The following RABGAP1L variants were observed in gnomAD, a reference collection of about 807,000 sequenced individuals.
The protein encoded by RABGAP1L is RAB GTPase activating protein 1 like.
Under a neutral mutation model 137.7 loss-of-function variants are expected in RABGAP1L, and 63 were observed. The ratio of observed to expected loss-of-function variants is 0.46; its 90% CI spans 0.37 to 0.56. The LOEUF is 0.56. Among genes scored for constraint, RABGAP1L ranks in the 20% least tolerant of loss-of-function variants. The pLI, the probability that RABGAP1L is intolerant of heterozygous loss-of-function variation, is 0.00. For missense variants in RABGAP1L, 1,095 were observed against 1,244.0 expected (o/e 0.88, Z 1.80); for synonymous variants, 431 against 433.7 (o/e 0.99, Z 0.08).
intron 14 of RABGAP1L, among the ~76,000 whole-genome samples, chr1:174,641,364 G>T (rs1456511833): frequency 2.6e-5 from 4 of 152,024 alleles, no homozygotes; most frequent in African/African-American, 9.7e-5. Context: ...GGAGGAAATC[G>T]AAATGATTCA....
intron 1 of RABGAP1L, among the ~76,000 whole-genome samples, chr1:174,186,312 C>T (rs138152637): frequency 1.4e-3 from 214 of 152,244 alleles, no homozygotes; most frequent in African/African-American, 4.9e-3. Context: ...AAATTCTCTA[C>T]GTAGCTGAAT....
intron 1 of RABGAP1L, among the ~76,000 whole-genome samples, chr1:174,213,495 C>A (rs566046301): frequency 6.6e-6 from 1 of 152,130 alleles, no homozygotes; most frequent in Non-Finnish European, 1.5e-5. Context: ...TACCCTCATA[C>A]CCAACCAAAG....
At chr1:174,326,541 G>C (rs1437493638) in intron 11 of RABGAP1L, among the ~76,000 whole-genome samples, 1 of 152,162 alleles carries the variant, frequency 6.6e-6, no homozygotes, top group African/African-American at 2.4e-5. Flanking sequence ...AAGGTATGAA[G>C]AAAACTGTTA....
chr1:174,735,227 C>T (rs1306769202), intron 17 of RABGAP1L, among the ~76,000 whole-genome samples: 1 of 151,848 alleles, frequency 6.6e-6, no homozygotes, highest in Non-Finnish European at 1.5e-5. Flanking sequence ...CCTTCTGCCT[C>T]AGCCTCCCAA....
chr1:174,259,774 C>T (rs764651391), intron 7 of RABGAP1L, among the ~76,000 whole-genome samples: 1 of 151,670 alleles, frequency 6.6e-6, no homozygotes, highest in Non-Finnish European at 1.5e-5. Context: ...TGAACACTTA[C>T]TATTTGGTGG....
intron 19 of RABGAP1L, among the ~76,000 whole-genome samples, chr1:174,950,766 C>T (rs1315851450): frequency 1.3e-5 from 2 of 152,148 alleles, no homozygotes; most frequent in African/African-American, 2.4e-5. Flanking sequence ...AAGAGTAGCA[C>T]ATAATGGCTA....
intron 13 of RABGAP1L, among the ~76,000 whole-genome samples, chr1:174,474,094 T>G (rs1658237286): frequency 6.6e-6 from 1 of 152,218 alleles, no homozygotes; most frequent in African/African-American, 2.4e-5. Flanking sequence ...TTAAAATTAA[T>G]TTTAGATCCT....
rs573182808 is a variant in RABGAP1L, at chr1:174,703,375, A to G, written c.2169+1119A>G. Among the ~76,000 whole-genome samples the G allele has an allele frequency of 4.6e-5, 7 of 152,276 alleles. No individual in the cohort carries two copies. In the South Asian group the frequency reaches 1.0e-3, roughly 23 times the overall value. On this transcript the variant is annotated intron_variant, in intron 17 of 25. Transcript: ENST00000681986. ...TTTCTGAGTTGTTTTACTTAACATAATGGCCTCCAGTTCCATCCATGTTGC... is the reference window on the plus strand; with the variant it reads ...TTTCTGAGTTGTTTTACTTAACATAGTGGCCTCCAGTTCCATCCATGTTGC...
At chr1:174,276,911 C>T (rs1019140672) in intron 9 of RABGAP1L, among the ~76,000 whole-genome samples, 2 of 151,822 alleles carry the variant, frequency 1.3e-5, no homozygotes, top group African/African-American at 2.4e-5. Context: ...TTTTACCTGC[C>T]GAGTTATATG....
intron 7 of RABGAP1L, among the ~76,000 whole-genome samples, chr1:174,264,870 AAAAG>A (rs1467543205): frequency 6.6e-6 from 1 of 152,176 alleles, no homozygotes; most frequent in Non-Finnish European, 1.5e-5. Flanking sequence ...AATCGAGAGA[AAAAG>A]AAATAGGAAC....
intron 4 of RABGAP1L, among the ~76,000 whole-genome samples, chr1:174,232,802 A>G (rs183542758): frequency 1.3e-5 from 2 of 151,794 alleles, no homozygotes; most frequent in African/African-American, 2.4e-5. Flanking sequence ...ATTCTCCTAC[A>G]TTCGGCCTTT....
At chr1:174,618,199 A>G (rs1277258210) in intron 13 of RABGAP1L, among the ~76,000 whole-genome samples, 2 of 152,210 alleles carry the variant, frequency 1.3e-5, no homozygotes. Flanking sequence ...TTACCTCTGT[A>G]GACTCCACCT....
At chr1:174,405,613 A>T (rs1222598161) in intron 13 of RABGAP1L, among the ~76,000 whole-genome samples, 2 of 152,244 alleles carry the variant, frequency 1.3e-5, no homozygotes, top group East Asian at 3.8e-4. Context: ...GGCAAGGAGA[A>T]TAAAGAGTAC....
rs924062120 is a variant in RABGAP1L at position 174,695,904 on chromosome 1, A to G, written c.1900-3621A>G. ...GTGGGCTTGGGTAAGATCTGAGAGA[A>G]TTCCTAAAATCTCTTTTTCTCTTCT... On this transcript the variant is annotated intron_variant, in intron 15 of 25. Transcript: ENST00000681986. Among the ~76,000 whole-genome samples, 3 of 152,152 alleles carry G rather than the reference A, an allele frequency of 2.0e-5. No homozygotes were observed. The South Asian group carries it at 6.2e-4, about 31-fold the overall frequency.
At chr1:174,512,578 G>A (rs1662450116) in intron 13 of RABGAP1L, among the ~76,000 whole-genome samples, 1 of 152,134 alleles carries the variant, frequency 6.6e-6, no homozygotes, top group Non-Finnish European at 1.5e-5. Context: ...GTATCATCTT[G>A]CCATGTATAA....
At chr1:174,257,848 G>A (rs1032881172) in intron 7 of RABGAP1L, among the ~76,000 whole-genome samples, 2 of 152,154 alleles carry the variant, frequency 1.3e-5, no homozygotes, top group Non-Finnish European at 2.9e-5. Flanking sequence ...TTGTGTACAT[G>A]TTTTGAGATA....
intron 11 of RABGAP1L, among the ~76,000 whole-genome samples, chr1:174,305,532 G>A (rs187604358): frequency 7.6e-4 from 116 of 151,906 alleles, no homozygotes; most frequent in African/African-American, 2.5e-3. Context: ...ACAGGTGTGC[G>A]CCACCATGCT....
intron 19 of RABGAP1L, among the ~76,000 whole-genome samples, chr1:174,925,974 A>G (rs1274770497): frequency 7.7e-5 from 11 of 142,814 alleles, no homozygotes; most frequent in Admixed American, 7.5e-5. Context: ...AGTGATTCTC[A>G]TGCCTCAGCC....
chr1:174,464,438 T>C (rs965144350), intron 13 of RABGAP1L, among the ~76,000 whole-genome samples: 1 of 152,194 alleles, frequency 6.6e-6, no homozygotes, highest in African/African-American at 2.4e-5. Flanking sequence ...CAGGAGCATA[T>C]ACTATGCTGC....
Sources: gnomAD v4.1 joint callset for allele counts (sites outside exome capture counted in the v4.1 genomes callset) on GRCh38, gnomAD v4.1.1 for gene constraint, MANE v1.5 for transcripts, NCBI Gene and HGNC (gene_info 2026-07-23, HGNC 2026-07-21) for gene names.